The following VTI1A variants were observed in gnomAD, a reference collection of about 807,000 sequenced individuals.
VTI1A encodes the protein vesicle transport through interaction with t-SNAREs homolog 1A.
VTI1A carries 22 observed loss-of-function variants against 34.9 expected under a neutral mutation model. The ratio of observed to expected loss-of-function variants is 0.63; its 90% confidence interval spans 0.45 to 0.90. VTI1A has a LOEUF of 0.90. Ranked by LOEUF, VTI1A falls within the 40% of genes least tolerant of loss-of-function variation. The probability of loss-of-function intolerance (pLI) is 0.00; values close to 1 mark genes in which losing one functional copy is unlikely to be tolerated. For synonymous variants in VTI1A, 87 were observed against 97.3 expected, an observed-to-expected ratio of 0.89 and a Z score of 0.62; for missense variants, 268 against 275.6, an observed-to-expected ratio of 0.97 and a Z score of 0.20.
intron 3 of VTI1A, among the ~76,000 whole-genome samples, chr10:112,524,040 T>C (rs1850126157): frequency 6.6e-6 from 1 of 152,132 alleles, no homozygotes; most frequent in Non-Finnish European, 1.5e-5. Flanking sequence ...GGTTTTTTTT[T>C]AATTCCATAA....
intron 7 of VTI1A, among the ~76,000 whole-genome samples, chr10:112,800,542 C>T (rs1331904792): frequency 6.6e-6 from 1 of 152,190 alleles, no homozygotes; most frequent in Admixed American, 6.5e-5. Flanking sequence ...CTACCATTGG[C>T]CAGGCACTGA....
At chr10:112,708,027 A>G (rs1198955772) in intron 7 of VTI1A, among the ~76,000 whole-genome samples, 1 of 152,250 alleles carries the variant, frequency 6.6e-6, no homozygotes, top group Non-Finnish European at 1.5e-5. Flanking sequence ...TAAAAGGTTG[A>G]TAACATTCTT....
intron 3 of VTI1A, among the ~76,000 whole-genome samples, chr10:112,504,213 A>G (rs1214018978): frequency 6.6e-6 from 1 of 152,080 alleles, no homozygotes; most frequent in Non-Finnish European, 1.5e-5. Flanking sequence ...GTATAAGGAA[A>G]ACTCTCCCTT....
chr10:112,724,609 A>G (rs114041612), intron 7 of VTI1A, among the ~76,000 whole-genome samples: 2,744 of 152,162 alleles, frequency 0.018, 87 homozygotes, highest in African/African-American at 0.063. Flanking sequence ...GCACTAAGAG[A>G]GCAGTGAGTG....
At position 112,761,770 on chromosome 10, in the gene VTI1A, C is replaced by CTGTGTG. The variant is rs57330053; in HGVS notation, c.561-53496_561-53491dup. ...CTCTCCCTCCTCTCTCTTTCTTTCTCTGTGTGTGTGTGTGTGTGTGTGTGT... is the reference window on the plus strand; with the variant it reads ...CTCTCCCTCCTCTCTCTTTCTTTCTCTGTGTGTGTGTGTGTGTGTGTGTGTGTGTGT... On this transcript the variant is annotated intron_variant, in intron 7 of 7. Coordinates refer to ENST00000393077, the MANE Select transcript of VTI1A (RefSeq NM_145206.4). Among the ~76,000 whole-genome samples the CTGTGTG allele has an allele frequency of 1.6e-3, 232 of 145,924 alleles. 1 individual carries two copies. The highest frequency in any genetic ancestry group is 3.8e-3 in the South Asian group (17 of 4,472).
At chr10:112,497,956 A>G (rs1205136317) in intron 3 of VTI1A, among the ~76,000 whole-genome samples, 1 of 152,234 alleles carries the variant, frequency 6.6e-6, no homozygotes, top group Non-Finnish European at 1.5e-5. Flanking sequence ...TCTTAAAATA[A>G]GAAATCATGC....
intron 5 of VTI1A, among the ~76,000 whole-genome samples, chr10:112,553,646 C>T (rs889450806): frequency 3.3e-5 from 5 of 152,200 alleles, no homozygotes; most frequent in African/African-American, 1.2e-4. Context: ...CTGCCCTGCC[C>T]TGGGGCTTTG....
At chr10:112,661,369 A>G (rs995017630) in intron 5 of VTI1A, among the ~76,000 whole-genome samples, 2 of 151,840 alleles carry the variant, frequency 1.3e-5, no homozygotes, top group Admixed American at 1.3e-4. Context: ...ACCCACCTCA[A>G]CCTCCCAAAG....
intron 5 of VTI1A, among the ~76,000 whole-genome samples, chr10:112,588,759 A>C (rs1844259480): frequency 1.3e-5 from 2 of 152,194 alleles, no homozygotes; most frequent in Non-Finnish European, 2.9e-5. Flanking sequence ...ACTTTAATGT[A>C]TTATAGTAAA....
At chr10:112,615,225 G>T (rs1192714822) in intron 5 of VTI1A, among the ~76,000 whole-genome samples, 1 of 152,180 alleles carries the variant, frequency 6.6e-6, no homozygotes, top group Admixed American at 6.5e-5. Flanking sequence ...AAAATTATTT[G>T]CAAGAATAAA....
At position 112,635,353 on chromosome 10, in the gene VTI1A, C is replaced by T. The variant is rs115886431; in HGVS notation, c.428-32865C>T. Among the ~76,000 whole-genome samples the T allele has an allele frequency of 3.3e-3, 495 of 152,192 alleles. 1 individual carries two copies. The highest frequency in any genetic ancestry group is 0.011 in the African/African-American group (457 of 41,516). ...ACCGTGAGCAGTCAGCAGGATTGTA[C>T]GGATTGGAGATTGGTAGAGGCATTC... On this transcript the variant is annotated intron_variant, in intron 5 of 7. Transcript: ENST00000393077.
intron 5 of VTI1A, among the ~76,000 whole-genome samples, chr10:112,599,811 C>G (rs1461899379): frequency 6.6e-6 from 1 of 152,132 alleles, no homozygotes; most frequent in Non-Finnish European, 1.5e-5. Flanking sequence ...AACCCCTGGG[C>G]TCAAGGATGA....
intron 7 of VTI1A, among the ~76,000 whole-genome samples, chr10:112,778,360 T>C (rs1325554409): frequency 6.6e-6 from 1 of 152,186 alleles, no homozygotes; most frequent in African/African-American, 2.4e-5. Flanking sequence ...CCATTCACCA[T>C]TGTTACCCCA....
intron 3 of VTI1A, among the ~76,000 whole-genome samples, chr10:112,520,921 A>G (rs1443574479): frequency 6.6e-6 from 1 of 151,946 alleles, no homozygotes; most frequent in Non-Finnish European, 1.5e-5. Flanking sequence ...CTAAAGAACA[A>G]TGGATTATTT....
chr10:112,584,805 CT>C (rs1442290672), intron 5 of VTI1A, among the ~76,000 whole-genome samples: 1 of 152,140 alleles, frequency 6.6e-6, no homozygotes, highest in Admixed American at 6.5e-5. Flanking sequence ...CCATAGCCTC[CT>C]TACATGCAGT....
At chr10:112,538,441 T>TAAACCACATCTC in intron 5 of VTI1A, 111 bp downstream of exon 5, 1 of 986,846 alleles carries the variant, frequency 1.0e-6, no homozygotes, top group Non-Finnish European at 1.6e-6. Flanking sequence ...GCCCGAGATG[T>TAAACCACATCTC]GGTTTACATA....
At chr10:112,747,108 T>TA (rs1326881576) in intron 7 of VTI1A, among the ~76,000 whole-genome samples, 1 of 152,210 alleles carries the variant, frequency 6.6e-6, no homozygotes, top group African/African-American at 2.4e-5. Context: ...TATCCACTGT[T>TA]ACACAGTGAG....
intron 7 of VTI1A, among the ~76,000 whole-genome samples, chr10:112,752,741 G>A (rs1007459123): frequency 3.3e-5 from 5 of 152,154 alleles, no homozygotes; most frequent in Non-Finnish European, 7.3e-5. Flanking sequence ...ATTAGTGTTT[G>A]GGGAAGAAAG....
At chr10:112,589,926 T>A (rs929452005) in intron 5 of VTI1A, among the ~76,000 whole-genome samples, 4 of 152,230 alleles carry the variant, frequency 2.6e-5, no homozygotes, top group African/African-American at 9.6e-5. Context: ...GCAATGTGCA[T>A]TTCCTTAAAG....
Sources: gnomAD v4.1 joint callset for allele counts (sites outside exome capture counted in the v4.1 genomes callset) on GRCh38, gnomAD v4.1.1 for gene constraint, MANE v1.5 for transcripts, NCBI Gene and HGNC (gene_info 2026-07-23, HGNC 2026-07-21) for gene names.